SLC2A14: variants seen among roughly 807,000 people sequenced by gnomAD.
The protein encoded by SLC2A14 is solute carrier family 2, facilitated glucose transporter member 14.
SLC2A14 carries 13 observed loss-of-function variants against 43.0 expected under a neutral mutation model. The observed-to-expected ratio is 0.30, with a 90% CI of 0.20 to 0.48. SLC2A14 has a LOEUF of 0.48. SLC2A14 is among the 20% of genes least tolerant of loss of function. The pLI, the probability that SLC2A14 is intolerant of heterozygous loss-of-function variation, is 0.99. For missense variants in SLC2A14, 428 were observed against 620.4 expected (o/e 0.69, Z 3.29); for synonymous variants, 190 against 233.8 (o/e 0.81, Z 1.71).
chr12:7,828,908 A>C (rs1412378038), intron 5 of SLC2A14, 42 bp from the exon 6 acceptor site: 1 of 1,595,796 alleles, frequency 6.3e-7, no homozygotes, highest in Non-Finnish European at 8.5e-7. Context: ...CCCATACTTC[A>C]CAGGCCACAA....
intron 7 of SLC2A14, among the ~76,000 whole-genome samples, chr12:7,827,105 CTT>C (rs1864557206): frequency 7.7e-6 from 1 of 129,380 alleles, no homozygotes; most frequent in African/African-American, 3.0e-5. Flanking sequence ...CTCTTTCTTT[CTT>C]TCTTTCTTTT....
upstream of SLC2A14, among the ~76,000 whole-genome samples, chr12:7,875,095 T>A (rs1377075602): frequency 5.9e-5 from 5 of 84,718 alleles, no homozygotes; most frequent in Admixed American, 7.2e-4. Context: ...TCTATTTAAA[T>A]TTAAATATTT....
upstream of SLC2A14, among the ~76,000 whole-genome samples, chr12:7,873,818 C>G (rs1457393717): frequency 3.3e-5 from 5 of 152,064 alleles, no homozygotes; most frequent in Admixed American, 3.3e-4. Context: ...TGGTGCCATC[C>G]AGGGTAAGGC....
chr12:7,872,670 A>G (rs10846086), intron 1 of SLC2A14, 137 bp downstream of exon 1: 77,900 of 655,850 alleles, frequency 0.12, 5,029 homozygotes, highest in East Asian at 0.35. Context: ...AGTTTCCCAG[A>G]GCCGCAGCTC....
intron 2 of SLC2A14, among the ~76,000 whole-genome samples, chr12:7,842,928 A>C (rs1173117376): frequency 1.3e-5 from 2 of 151,960 alleles, no homozygotes; most frequent in Non-Finnish European, 2.9e-5. Flanking sequence ...GGGTTTCTAC[A>C]TGTTGATCAG....
At chr12:7,846,221 C>T (rs1353797769) in intron 2 of SLC2A14, among the ~76,000 whole-genome samples, 1 of 151,966 alleles carries the variant, frequency 6.6e-6, no homozygotes, top group East Asian at 1.9e-4. Context: ...ACCAGCTCTC[C>T]AGGTGGAGGT....
Position 7,814,517 on chromosome 12 carries a change from G to A in SLC2A14, c.1293C>T (p.Tyr431=), listed in dbSNP as rs146444974. Residue 431 remains tyrosine, a synonymous_variant, in exon 11 of 11, where the codon TAC becomes TAT. Transcript: ENST00000431042. ...GGAAGCCGGTGAAGATAATAAAAAC[G>A]TAGGCTCCTAAATAGTACTAGTGAA... is the stretch of plus-strand genomic sequence containing the variant. The part of the protein sequence containing the change: ...FPSAAYYLGA[Y]VFIIFTGFLI... 80 of 1,613,724 alleles carry A rather than the reference G, an allele frequency of 5.0e-5. No homozygotes were observed. The African/African-American group carries it at 8.8e-4, about 18-fold the overall frequency.
intron 7 of SLC2A14, among the ~76,000 whole-genome samples, chr12:7,826,862 T>TCCTTCCTTCCTTCCTTCC (rs869102115): frequency 1.2e-3 from 37 of 30,858 alleles, no homozygotes; most frequent in Non-Finnish European, 1.9e-3. Context: ...TCCTTTCTTT[T>TCCTTCCTTCCTTCCTTCC]TTCTTTCTTT....
At chr12:7,822,157 C>T (rs927177354) in intron 7 of SLC2A14, among the ~76,000 whole-genome samples, 17 of 151,754 alleles carry the variant, frequency 1.1e-4, no homozygotes, top group Admixed American at 1.1e-3. Context: ...GACATGGTTT[C>T]GCCATGTTGG....
intron 1 of SLC2A14, among the ~76,000 whole-genome samples, chr12:7,880,586 T>G (rs1205318461): frequency 6.7e-6 from 1 of 150,266 alleles, no homozygotes. Context: ...CTCAGCACTT[T>G]AGGAGACTGA....
At position 7,814,398 on chromosome 12, in the gene SLC2A14, T is replaced by C; in HGVS notation, c.1412A>G (p.His471Arg). 6.2e-7 allele frequency: 1 copy of C among 1,613,190 alleles called. No homozygotes were observed. The highest frequency in any genetic ancestry group is 1.7e-4 in the Middle Eastern group (1 of 6,056). ...GTCCTTCCCAGATCTATCTGCACCG[T>C]GTGCCTGCCCTTCAAAGGCCCGTGT... ...DITRAFEGQA[H>R]GADRSGKDGV... is the part of the protein sequence containing the mutation. The change falls in exon 11 of 11, where the codon CAC becomes CGC. Residue 471 changes from histidine to arginine, a missense_variant. His to Arg is a conservative substitution (Grantham distance 29). This residue lies in a region of SLC2A14 where 119 missense variants were observed against 188.7 expected (regional missense o/e 0.63). Transcript: ENST00000431042.
At chr12:7,821,079 T>A in intron 8 of SLC2A14, 142 bp downstream of exon 8, 2 of 571,506 alleles carry the variant, frequency 3.5e-6, no homozygotes, top group South Asian at 4.7e-5. Flanking sequence ...AGAGCAAGAC[T>A]CTGTCTCAAA....
intron 2 of SLC2A14, among the ~76,000 whole-genome samples, chr12:7,840,532 A>ACCACAC (rs150978262): frequency 0.028 from 4,296 of 151,910 alleles, 192 homozygotes; most frequent in African/African-American, 0.098. Context: ...GGCACCCGCC[A>ACCACAC]CCACACCCAC....
intron 2 of SLC2A14, among the ~76,000 whole-genome samples, chr12:7,835,270 C>T (rs930651046): frequency 4.6e-5 from 7 of 152,096 alleles, no homozygotes; most frequent in Admixed American, 1.3e-4. Flanking sequence ...GCCTGTAGTC[C>T]CAGCTACTCA....
At chr12:7,845,061 A>G (rs762139022) in intron 2 of SLC2A14, among the ~76,000 whole-genome samples, 4 of 152,168 alleles carry the variant, frequency 2.6e-5, no homozygotes, top group Non-Finnish European at 5.9e-5. Context: ...AATTACGACT[A>G]GAAACTGCAT....
At chr12:7,844,767 T>C (rs1310653229) in intron 2 of SLC2A14, among the ~76,000 whole-genome samples, 1 of 152,064 alleles carries the variant, frequency 6.6e-6, no homozygotes, top group African/African-American at 2.4e-5. Context: ...AACCCCTGAC[T>C]TCAGCTGATC....
At position 7,826,861 on chromosome 12, in the gene SLC2A14, TTTTCTTTC is replaced by T. The variant is rs71038779; in HGVS notation, c.864+626_864+633del. On this transcript the variant is annotated intron_variant, in intron 7 of 10. Transcript: ENST00000431042. ...TCCTTCCTTCCTTCCTTCCTTTCTT[TTTTCTTTC>T]TTTCTTTCTTTCTTTCTTTCTTTCT... 2.7e-3 allele frequency among the ~76,000 whole-genome samples: 162 copies of T among 60,332 alleles called. 9 individuals are homozygous for T. The highest frequency in any genetic ancestry group is 0.012 in the African/African-American group (151 of 12,650). 39.6% of individuals were successfully genotyped at this position (60,332 alleles called of 152,430 possible).
upstream of SLC2A14, among the ~76,000 whole-genome samples, chr12:7,874,339 A>G (rs1945371636): frequency 6.6e-6 from 1 of 152,140 alleles, no homozygotes; most frequent in Non-Finnish European, 1.5e-5. Context: ...AGTAGGTACT[A>G]AAATGTTCAT....
rs1317384090 is a variant in SLC2A14 at position 7,828,710 on chromosome 12, T to C, written c.670A>G (p.Thr224Ala). The C allele has an allele frequency of 6.2e-7, 1 of 1,614,036 alleles. No homozygotes were observed. Among genetic ancestry groups the C allele is most frequent in the South Asian group, 1.1e-5 (1 of 91,076 alleles). Residue 224 changes from threonine to alanine, a missense_variant, in exon 6 of 11, where the codon ACG becomes GCG. Thr to Ala is a moderately conservative substitution (Grantham distance 58). Coordinates refer to ENST00000431042, the MANE Select transcript of SLC2A14 (RefSeq NM_001286234.2). ...AAGAGTGAAAGATACTCACTCCGCG[T>C]AGCATTCTCCTCTTTTTTTCTGTTA... ...LINRKKEENATRILQRLWGTQ... is the reference protein window; with the variant it reads ...LINRKKEENAARILQRLWGTQ...
Sources: allele counts gnomAD v4.1 joint callset (sites outside exome capture counted in the v4.1 genomes callset), GRCh38; gene constraint gnomAD v4.1.1; regional missense constraint gnomAD v4.1.1; transcripts MANE v1.5; gene names NCBI Gene and HGNC (gene_info 2026-07-23, HGNC 2026-07-21).